MORN5: variants seen among roughly 807,000 people sequenced by gnomAD.
MORN5 encodes MORN repeat containing 5.
A neutral mutation model predicts 22.1 loss-of-function variants in MORN5; 21 were observed. The observed-to-expected ratio is 0.95, with a 90% CI of 0.67 to 1.37. The LOEUF (loss-of-function observed/expected upper bound fraction) is 1.37. Among genes scored for constraint, MORN5 ranks in the 40% most tolerant of loss-of-function variants. The pLI is 0.00. For synonymous variants in MORN5, 73 were observed against 74.0 expected (o/e 0.99, Z 0.07); for missense variants, 211 against 215.1 (o/e 0.98, Z 0.12).
At chr9:122,162,803 C>T (rs1053587605) in intron 1 of MORN5, among the ~76,000 whole-genome samples, 1 of 152,128 alleles carries the variant, frequency 6.6e-6, no homozygotes, top group Non-Finnish European at 1.5e-5. Context: ...GATCAGTAGT[C>T]ACCTAGAGAT....
At chr9:122,198,307 C>T (rs1014867383) in intron 4 of MORN5, among the ~76,000 whole-genome samples, 7 of 152,228 alleles carry the variant, frequency 4.6e-5, no homozygotes, top group Non-Finnish European at 1.0e-4. Context: ...AGCTTTCCGC[C>T]AGCCCTCTGT....
intron 3 of MORN5, among the ~76,000 whole-genome samples, chr9:122,169,959 T>C (rs1483323655): frequency 1.3e-5 from 2 of 152,196 alleles, no homozygotes; most frequent in African/African-American, 4.8e-5. Context: ...CAGAGGACCA[T>C]GGGCAAGGGA....
chr9:122,195,242 G>T (rs1240072672), intron 4 of MORN5, among the ~76,000 whole-genome samples: 3 of 152,086 alleles, frequency 2.0e-5, no homozygotes, highest in Non-Finnish European at 2.9e-5. Flanking sequence ...GAGAATTCTC[G>T]CAAAGATAGT....
chr9:122,165,612 A>G (rs78959479), intron 1 of MORN5, among the ~76,000 whole-genome samples: 106 of 152,164 alleles, frequency 7.0e-4, no homozygotes, highest in African/African-American at 2.2e-3. Context: ...AAGCTAGTCA[A>G]CTGGTCAAGC....
chr9:122,193,643 G>A (rs7859776), intron 4 of MORN5, among the ~76,000 whole-genome samples: 16 of 152,258 alleles, frequency 1.1e-4, no homozygotes, highest in Middle Eastern at 3.4e-3. Context: ...GTAATTGTTA[G>A]CACCTTGCTT....
At chr9:122,194,921 G>A (rs981864800) in intron 4 of MORN5, among the ~76,000 whole-genome samples, 3 of 151,980 alleles carry the variant, frequency 2.0e-5, no homozygotes, top group Admixed American at 6.5e-5. Flanking sequence ...TCGGGAGGCT[G>A]AAGCAGGGGA....
chr9:122,174,909 A>G (rs1216597945), intron 4 of MORN5: 250 of 979,734 alleles, frequency 2.6e-4, no homozygotes, highest in Non-Finnish European at 3.0e-4. Flanking sequence ...CATTCCTTCG[A>G]TTTTAATGGG....
chr9:122,185,347 C>T lies in MORN5; in HGVS notation c.439+10720C>T, dbSNP rs560535175. Reference sequence around the variant, plus strand: ...ACGCCATTCTCCTGCCTCAGCCTCCCGAGTAGCTGGGACTACAGGCGCCCA... The same window carrying T: ...ACGCCATTCTCCTGCCTCAGCCTCCTGAGTAGCTGGGACTACAGGCGCCCA... On this transcript the variant is annotated intron_variant, in intron 4 of 4. Transcript: ENST00000373764. Among the ~76,000 whole-genome samples the T allele has an allele frequency of 4.0e-3, 616 of 152,124 alleles. 4 individuals are homozygous for T. The highest frequency in any genetic ancestry group is 0.013 in the African/African-American group (537 of 41,500).
intron 1 of MORN5, among the ~76,000 whole-genome samples, chr9:122,164,329 C>A (rs1829245606): frequency 6.6e-6 from 1 of 152,156 alleles, no homozygotes; most frequent in Non-Finnish European, 1.5e-5. Context: ...TCAGAGCTCA[C>A]TGCAGTTGTC....
chr9:122,174,676 A>G, intron 4 of MORN5, 49 bp downstream of exon 4: 1 of 1,612,752 alleles, frequency 6.2e-7, no homozygotes, highest in Non-Finnish European at 8.5e-7. Context: ...CCCACATATG[A>G]GTATGTGCAT....
At chr9:122,165,666 T>C (rs1412320491) in intron 1 of MORN5, among the ~76,000 whole-genome samples, 2 of 152,186 alleles carry the variant, frequency 1.3e-5, no homozygotes, top group East Asian at 1.9e-4. Flanking sequence ...GTCTTCCTCC[T>C]GCATAGCACT....
chr9:122,172,494 T>G (rs1829381321), intron 3 of MORN5, among the ~76,000 whole-genome samples: 1 of 152,102 alleles, frequency 6.6e-6, no homozygotes, highest in South Asian at 2.1e-4. Flanking sequence ...TTCCTGCCAT[T>G]CTCTCTGCCT....
At chr9:122,196,627 G>A (rs551476151) in intron 4 of MORN5, among the ~76,000 whole-genome samples, 1 of 152,248 alleles carries the variant, frequency 6.6e-6, no homozygotes, top group South Asian at 2.1e-4. Context: ...CACCGCGCCC[G>A]GCAAAAGCCA....
chr9:122,180,990 C>A (rs1829530763), intron 4 of MORN5, among the ~76,000 whole-genome samples: 1 of 152,224 alleles, frequency 6.6e-6, no homozygotes, highest in Admixed American at 6.5e-5. Flanking sequence ...TCCTAGGTCC[C>A]TCGTATTGTT....
At chr9:122,166,378 A>T (rs941660093) in intron 1 of MORN5, among the ~76,000 whole-genome samples, 6 of 151,860 alleles carry the variant, frequency 4.0e-5, no homozygotes, top group Non-Finnish European at 5.9e-5. Context: ...ATAGGCAAGG[A>T]TGGGTTGGTC....
chr9:122,174,824 A>G lies in MORN5; in HGVS notation c.439+197A>G. On this transcript the variant is annotated intron_variant, in intron 4 of 4. Coordinates refer to ENST00000373764, the MANE Select transcript of MORN5 (RefSeq NM_198469.4). ...CTGTACATAGTCCTAGAGTGAGGTAAAAGCACATTCGTGGTCTAGCAGTGA... is the reference window on the plus strand; with the variant it reads ...CTGTACATAGTCCTAGAGTGAGGTAGAAGCACATTCGTGGTCTAGCAGTGA... 4 of 1,421,480 alleles carry G rather than the reference A, an allele frequency of 2.8e-6. No individual in the cohort carries two copies. In the South Asian group the frequency reaches 5.6e-5, roughly 20 times the overall value. 88.1% of individuals were successfully genotyped at this position (1,421,480 alleles called of 1,614,324 possible). A position where few individuals can be genotyped will look rare whatever the true frequency, so the allele number is the denominator to read the frequency against.
intron 3 of MORN5, among the ~76,000 whole-genome samples, chr9:122,173,652 A>G (rs1829399514): frequency 6.6e-6 from 1 of 152,180 alleles, no homozygotes; most frequent in African/African-American, 2.4e-5. Context: ...TACTTGAGCC[A>G]TGGCGTTTCA....
chr9:122,167,978 C>T (rs535522214), intron 2 of MORN5, among the ~76,000 whole-genome samples: 7 of 152,212 alleles, frequency 4.6e-5, no homozygotes, highest in Non-Finnish European at 8.8e-5. Flanking sequence ...TTCTCTCACC[C>T]TGACCTTACT....
rs193078802 is a variant in MORN5 at position 122,187,506 on chromosome 9, G to C, written c.440-12379G>C. Among the ~76,000 whole-genome samples, 795 of 152,178 alleles carry C rather than the reference G, an allele frequency of 5.2e-3. 3 individuals are homozygous for C. Among genetic ancestry groups the C allele is most frequent in the Non-Finnish European group, 9.2e-3 (624 of 68,012 alleles). ...GGTTTCACTTGGGGATCAGACCCAG[G>C]GCCTGGCCCCCACCAAAACCAGTGC... is the stretch of plus-strand genomic sequence containing the variant. On this transcript the variant is annotated intron_variant, in intron 4 of 4. Coordinates refer to ENST00000373764, the MANE Select transcript of MORN5 (RefSeq NM_198469.4).
Sources: gnomAD v4.1 joint callset for allele counts (sites outside exome capture counted in the v4.1 genomes callset) on GRCh38, gnomAD v4.1.1 for gene constraint, MANE v1.5 for transcripts, NCBI Gene and HGNC (gene_info 2026-07-23, HGNC 2026-07-21) for gene names.